The following BAIAP2 variants were observed in gnomAD, a reference collection of about 807,000 sequenced individuals.
The protein encoded by BAIAP2 is BAR/IMD domain containing adaptor protein 2, also known as BAR/IMD domain-containing adapter protein 2.
A neutral mutation model predicts 63.0 loss-of-function variants in BAIAP2; 18 were observed. The observed-to-expected ratio is 0.29, with a 90% CI of 0.20 to 0.42. The LOEUF is 0.42. BAIAP2 is among the 10% of genes least tolerant of loss of function. The probability of loss-of-function intolerance (pLI) is 1.00; values close to 1 mark genes in which losing one functional copy is unlikely to be tolerated. For missense variants in BAIAP2, 610 were observed against 734.3 expected (o/e 0.83, Z 1.96); for synonymous variants, 386 against 307.6 (o/e 1.25, Z -2.67).
At chr17:81,069,235 G>A (rs1394276859) in intron 3 of BAIAP2, among the ~76,000 whole-genome samples, 1 of 152,218 alleles carries the variant, frequency 6.6e-6, no homozygotes, top group East Asian at 1.9e-4. Flanking sequence ...GTTACCAGCA[G>A]TCACATGCAG....
At chr17:81,047,413 C>T (rs985563077) in intron 1 of BAIAP2, among the ~76,000 whole-genome samples, 24 of 152,226 alleles carry the variant, frequency 1.6e-4, no homozygotes, top group Admixed American at 1.4e-3. Context: ...CTAGCATCGA[C>T]TCTTTCTCTG....
Position 81,106,778 on chromosome 17 carries a change from C to A in BAIAP2, c.1371C>A (p.Asn457Lys). ...AAGGGAAGAGCAGCAGCACGGGCAA[C>A]CTCCTGGACAAGGACGACCTGGCCA... ...LQQGKSSSTG[N>K]LLDKDDLAIP... The change falls in exon 12 of 14, where the codon AAC becomes AAA. Residue 457 changes from asparagine to lysine, a missense_variant. Asn to Lys is a moderately conservative substitution (Grantham distance 94, BLOSUM62 0). Around this residue, in one of 5 missense-constraint regions of BAIAP2, gnomAD observed 11 missense variants for 25.2 expected, o/e 0.44. Transcript: ENST00000428708. 1 of 1,612,648 alleles carries A rather than the reference C, an allele frequency of 6.2e-7. No individual in the cohort carries two copies. The highest frequency in any genetic ancestry group is 2.2e-5 in the East Asian group (1 of 44,882).
chr17:81,045,237 C>T (rs111702737), intron 1 of BAIAP2, among the ~76,000 whole-genome samples: 4,613 of 152,250 alleles, frequency 0.03, 90 homozygotes, highest in South Asian at 0.078. Context: ...TCGCAGAGGG[C>T]GTGCAGGTGT....
intron 1 of BAIAP2, among the ~76,000 whole-genome samples, chr17:81,050,539 G>T (rs1354073081): frequency 6.6e-6 from 1 of 152,200 alleles, no homozygotes; most frequent in Admixed American, 6.5e-5. Context: ...GGAGCTCACA[G>T]GGCTCAGGTT....
At chr17:81,099,331 A>T (rs946720577) in intron 6 of BAIAP2, among the ~76,000 whole-genome samples, 15 of 151,828 alleles carry the variant, frequency 9.9e-5, no homozygotes, top group Admixed American at 2.6e-4. Flanking sequence ...CGGGTGGGAG[A>T]GGAGATGAGG....
At position 81,057,869 on chromosome 17, in the gene BAIAP2, C is replaced by T. The variant is rs1032574627; in HGVS notation, c.131-12C>T. The T allele has an allele frequency of 2.1e-5, 34 of 1,604,998 alleles. No homozygotes were observed. Among genetic ancestry groups the T allele is most frequent in the Non-Finnish European group, 2.6e-5 (31 of 1,175,490 alleles). ...GTGGAGGAAATAACTGCTCCCTTTTCTTCTCTCTCAGGTGTGACGTATGCA... is the reference window on the plus strand; with the variant it reads ...GTGGAGGAAATAACTGCTCCCTTTTTTTCTCTCTCAGGTGTGACGTATGCA... On this transcript the variant is annotated splice_polypyrimidine_tract_variant and intron_variant, in intron 2 of 13. Transcript: ENST00000428708.
intron 13 of BAIAP2, chr17:81,109,507 G>A (rs1481562813): frequency 2.0e-6 from 2 of 985,528 alleles, no homozygotes; most frequent in African/African-American, 1.7e-5. Context: ...CGGTGCGATG[G>A]CCTCTGTCCG....
Position 81,108,017 on chromosome 17 carries a change from G to A in BAIAP2, c.1501-458G>A, listed in dbSNP as rs1431106625. The A allele has an allele frequency of 5.0e-5, 9 of 180,780 alleles. No individual in the cohort carries two copies. The Admixed American group carries it at 5.0e-4, about 10-fold the overall frequency. The allele number at this position is 180,780 out of a possible 1,614,324, so 11.2% of individuals were successfully genotyped here. On this transcript the variant is annotated intron_variant, in intron 12 of 13. Coordinates refer to ENST00000428708, the MANE Select transcript of BAIAP2 (RefSeq NM_001144888.2). ...AGGCAGTGTCACCCTCCCAGGGGCC[G>A]GGATGGTACATGTGACAAGTTTCCA...
At chr17:81,073,531 G>A (rs1012062554) in intron 3 of BAIAP2, among the ~76,000 whole-genome samples, 6 of 152,108 alleles carry the variant, frequency 3.9e-5, no homozygotes, top group Admixed American at 6.5e-5. Flanking sequence ...TTTGGGATTC[G>A]GAGTCAAGCA....
At chr17:81,091,485 C>G (rs183918146) in intron 6 of BAIAP2, among the ~76,000 whole-genome samples, 3 of 152,266 alleles carry the variant, frequency 2.0e-5, no homozygotes, top group Admixed American at 2.0e-4. Flanking sequence ...CCCTTGAGAT[C>G]CCTGCCTCGG....
chr17:81,086,703 G>C (rs968417718), intron 6 of BAIAP2, 123 bp downstream of exon 6: 3 of 1,172,780 alleles, frequency 2.6e-6, no homozygotes, highest in African/African-American at 1.5e-5. Flanking sequence ...GAGGCAGGCT[G>C]TGTGTCCCTG....
At chr17:81,060,299 G>A (rs978203306) in intron 3 of BAIAP2, among the ~76,000 whole-genome samples, 2 of 151,830 alleles carry the variant, frequency 1.3e-5, no homozygotes, top group African/African-American at 4.9e-5. Context: ...TCACCCCAAA[G>A]CGTTTTTAGC....
chr17:81,084,983 C>T, intron 4 of BAIAP2, 90 bp downstream of exon 4: 1 of 1,342,542 alleles, frequency 7.4e-7, no homozygotes, highest in Non-Finnish European at 1.1e-6. Context: ...CACTTGGGAA[C>T]AGTCCCAGTT....
intron 13 of BAIAP2, chr17:81,108,763 G>A (rs1199757622): frequency 5.4e-6 from 5 of 927,614 alleles, no homozygotes; most frequent in Middle Eastern, 3.4e-4. Context: ...CAAGGTTGGG[G>A]AGGGTAGCTG....
chr17:81,086,416 T>C (rs1165945696), intron 5 of BAIAP2, 27 bp from the exon 6 acceptor site: 1 of 1,610,926 alleles, frequency 6.2e-7, no homozygotes, highest in South Asian at 1.1e-5. Context: ...TGGGCCTTGG[T>C]TTTGTGTTTT....
At position 81,106,924 on chromosome 17, in the gene BAIAP2, G is replaced by A. The variant is rs751306631; in HGVS notation, c.1500+17G>A. 7.4e-6 allele frequency: 11 copies of A among 1,485,594 alleles called. No homozygotes were observed. Among genetic ancestry groups the A allele is most frequent in the East Asian group, 4.9e-5 (2 of 40,614 alleles). 92.0% of individuals were successfully genotyped at this position (1,485,594 alleles called of 1,614,324 possible). A position where few individuals can be genotyped will look rare whatever the true frequency, so the allele number is the denominator to read the frequency against. On this transcript the variant is annotated intron_variant, in intron 12 of 13. Coordinates refer to ENST00000428708, the MANE Select transcript of BAIAP2 (RefSeq NM_001144888.2). ...TTCTCCCAGGTCAGTGGGCGGGGCC[G>A]GGGCTGGGAGGGGCCCGCAGGTGGA...
chr17:81,086,812 T>G, intron 6 of BAIAP2: 1 of 533,330 alleles, frequency 1.9e-6, no homozygotes, highest in Non-Finnish European at 3.4e-6. Context: ...CCAGGGTCAC[T>G]GAAAGGTTCT....
At chr17:81,048,236 T>C (rs1221651876) in intron 1 of BAIAP2, among the ~76,000 whole-genome samples, 4 of 151,302 alleles carry the variant, frequency 2.6e-5, no homozygotes, top group African/African-American at 9.7e-5. Flanking sequence ...ATACAAAAAT[T>C]AGCTGGGTGT....
chr17:81,077,302 C>T (rs1439316487), intron 3 of BAIAP2, among the ~76,000 whole-genome samples: 1 of 152,140 alleles, frequency 6.6e-6, no homozygotes, highest in African/African-American at 2.4e-5. Flanking sequence ...CATGGCAGCT[C>T]ACGCCTGTAA....
Sources: allele counts gnomAD v4.1 joint callset (sites outside exome capture counted in the v4.1 genomes callset), GRCh38; gene constraint gnomAD v4.1.1; regional missense constraint gnomAD v4.1.1; transcripts MANE v1.5; gene names NCBI Gene and HGNC (gene_info 2026-07-23, HGNC 2026-07-21).